Variants in MLIP observed in about 807,000 individuals in gnomAD.
The protein encoded by MLIP is muscular LMNA-interacting protein.
Under a neutral mutation model 84.8 loss-of-function variants are expected in MLIP, and 79 were observed. That is an observed-to-expected ratio of 0.93 (90% confidence interval 0.78 to 1.12). The LOEUF (loss-of-function observed/expected upper bound fraction) is 1.12. Among genes scored for constraint, MLIP ranks in the 50% most tolerant of loss-of-function variants. The pLI is 0.00. For missense variants in MLIP, 1,257 were observed against 1,160.6 expected (o/e 1.08, Z -1.21); for synonymous variants, 504 against 463.0 (o/e 1.09, Z -1.14).
chr6:54,204,249 T>C (rs1463501909), intron 11 of MLIP, among the ~76,000 whole-genome samples: 1 of 152,164 alleles, frequency 6.6e-6, no homozygotes, highest in Non-Finnish European at 1.5e-5. Flanking sequence ...GGAAATTTTG[T>C]TGATATATAA....
intron 12 of MLIP, among the ~76,000 whole-genome samples, chr6:54,241,734 T>G (rs879463588): frequency 2.6e-5 from 4 of 152,210 alleles, no homozygotes; most frequent in Non-Finnish European, 2.9e-5. Context: ...AACACAATAT[T>G]TACTGATCTT....
chr6:54,036,258 T>A (rs923386742), intron 1 of MLIP, among the ~76,000 whole-genome samples: 1 of 122,796 alleles, frequency 8.1e-6, no homozygotes, highest in Non-Finnish European at 1.8e-5. Context: ...TTTTTTTTTT[T>A]AAATCTCCTT....
chr6:54,053,259 G>A (rs1413968193), intron 1 of MLIP, among the ~76,000 whole-genome samples: 1 of 152,086 alleles, frequency 6.6e-6, no homozygotes, highest in Non-Finnish European at 1.5e-5. Flanking sequence ...GTTCAAAACA[G>A]TCAAAATGTC....
intron 1 of MLIP, among the ~76,000 whole-genome samples, chr6:54,020,319 T>G (rs774599809): frequency 6.6e-6 from 1 of 152,236 alleles, no homozygotes; most frequent in African/African-American, 2.4e-5. Flanking sequence ...ATTTTTAAAC[T>G]GTTTTTGGTC....
intron 12 of MLIP, among the ~76,000 whole-genome samples, chr6:54,234,882 A>G (rs760523984): frequency 4.6e-5 from 7 of 152,112 alleles, no homozygotes; most frequent in Non-Finnish European, 8.8e-5. Flanking sequence ...TCAGCTATTT[A>G]CCCACTCACA....
At chr6:54,066,044 G>T (rs1766214353) in intron 1 of MLIP, among the ~76,000 whole-genome samples, 1 of 97,850 alleles carries the variant, frequency 1.0e-5, no homozygotes, top group African/African-American at 2.6e-5. Flanking sequence ...TTTATCTTAG[G>T]TGTAGAATCA....
At chr6:54,214,044 T>A (rs1186732467) in intron 11 of MLIP, among the ~76,000 whole-genome samples, 1 of 152,196 alleles carries the variant, frequency 6.6e-6, no homozygotes, top group Non-Finnish European at 1.5e-5. Context: ...AAGTCACAAA[T>A]CCACAGGCAG....
intron 1 of MLIP, among the ~76,000 whole-genome samples, chr6:54,094,841 A>C (rs1399659700): frequency 6.6e-6 from 1 of 152,146 alleles, no homozygotes; most frequent in African/African-American, 2.4e-5. Flanking sequence ...CTCCTTTTAA[A>C]GTGGTTTCCC....
At position 54,160,536 on chromosome 6, in the gene MLIP, C is replaced by T; in HGVS notation, c.2376C>T (p.Leu792=). ...TCCAGCTCTATTTTCCTGCACAGCTCAGGCAGCAAACTGAAGAGCTCTGTG... is the reference window on the plus strand; with the variant it reads ...TCCAGCTCTATTTTCCTGCACAGCTTAGGCAGCAAACTGAAGAGCTCTGTG... ...PPVELYFPAQ[L]RQQTEELCAT... is the part of the protein sequence containing the mutation. Residue 792 remains leucine, a synonymous_variant, in exon 7 of 14, where the codon CTC becomes CTT. Coordinates refer to ENST00000502396, the MANE Select transcript of MLIP (RefSeq NM_001281747.2). 6.2e-7 allele frequency: 1 copy of T among 1,612,632 alleles called. No individual in the cohort carries two copies. The highest frequency in any genetic ancestry group is 8.5e-7 in the Non-Finnish European group (1 of 1,179,214).
At chr6:54,222,599 T>A (rs1780290863) in intron 11 of MLIP, among the ~76,000 whole-genome samples, 1 of 152,094 alleles carries the variant, frequency 6.6e-6, no homozygotes. Flanking sequence ...TTATGTATTA[T>A]ACCACCTTTC....
upstream of MLIP, among the ~76,000 whole-genome samples, chr6:54,106,958 A>G (rs1049330275): frequency 1.8e-4 from 28 of 152,204 alleles, no homozygotes; most frequent in African/African-American, 6.5e-4. Flanking sequence ...CAAAGCAGAC[A>G]GAGGAGTGTC....
At chr6:54,219,499 A>G (rs1780087295) in intron 11 of MLIP, among the ~76,000 whole-genome samples, 1 of 151,678 alleles carries the variant, frequency 6.6e-6, no homozygotes, top group African/African-American at 2.4e-5. Flanking sequence ...CAATACATAT[A>G]TGGTCTGCTT....
intron 12 of MLIP, among the ~76,000 whole-genome samples, chr6:54,237,398 CAGAGGATGGT>C (rs1463032499): frequency 6.6e-6 from 1 of 152,018 alleles, no homozygotes; most frequent in Non-Finnish European, 1.5e-5. Flanking sequence ...GTTTGAAGTT[CAGAGGATGGT>C]TGCTGCTTAA....
chr6:54,200,384 T>C (rs1778587199), intron 10 of MLIP, among the ~76,000 whole-genome samples: 1 of 80 alleles, frequency 0.013, no homozygotes, highest in Non-Finnish European at 0.026. Context: ...TTTACAGCCT[T>C]GTAGCCCGAG....
chr6:54,248,215 A>G (rs1782221626), intron 12 of MLIP, among the ~76,000 whole-genome samples: 1 of 152,198 alleles, frequency 6.6e-6, no homozygotes, highest in Non-Finnish European at 1.5e-5. Context: ...TATTTTGTGA[A>G]GAAATAGACA....
chr6:54,202,744 A>T (rs560042884), intron 11 of MLIP, among the ~76,000 whole-genome samples: 9 of 152,260 alleles, frequency 5.9e-5, no homozygotes, highest in South Asian at 4.2e-4. Flanking sequence ...AATTAAAAAA[A>T]ATATATAGCT....
At chr6:54,033,990 G>A (rs1334302404) in intron 1 of MLIP, among the ~76,000 whole-genome samples, 3 of 152,254 alleles carry the variant, frequency 2.0e-5, no homozygotes, top group East Asian at 1.9e-4. Context: ...TCTCTTTAAA[G>A]AGGGAAATAT....
intron 12 of MLIP, among the ~76,000 whole-genome samples, chr6:54,250,757 C>T (rs1782419961): frequency 6.6e-6 from 1 of 152,060 alleles, no homozygotes; most frequent in Non-Finnish European, 1.5e-5. Flanking sequence ...TGAGTAATTT[C>T]TTCTCAGGGA....
chr6:54,109,094 G>C (rs531331199), upstream of MLIP, among the ~76,000 whole-genome samples: 3 of 149,726 alleles, frequency 2.0e-5, no homozygotes, highest in East Asian at 1.9e-4. Context: ...CCAAAGGGTA[G>C]TATCAATAAA....
Sources: gnomAD v4.1 joint callset for allele counts (sites outside exome capture counted in the v4.1 genomes callset) on GRCh38, gnomAD v4.1.1 for gene constraint, MANE v1.5 for transcripts, NCBI Gene and HGNC (gene_info 2026-07-23, HGNC 2026-07-21) for gene names.